Variants in PTPRM observed in about 807,000 individuals in gnomAD.
PTPRM encodes the protein protein tyrosine phosphatase receptor type M, also known as receptor-type tyrosine-protein phosphatase mu.
A neutral mutation model predicts 186.7 loss-of-function variants in PTPRM; 47 were observed. The ratio of observed to expected loss-of-function variants is 0.25; its 90% confidence interval spans 0.20 to 0.32. The LOEUF (loss-of-function observed/expected upper bound fraction) is 0.32. Ranked by LOEUF, PTPRM falls within the 10% of genes least tolerant of loss-of-function variation. The pLI, the probability that PTPRM is intolerant of heterozygous loss-of-function variation, is 1.00. For synonymous variants in PTPRM, 668 were observed against 674.9 expected (o/e 0.99, Z 0.16); for missense variants, 1,494 against 1,865.0 (o/e 0.80, Z 3.66).
intron 7 of PTPRM, among the ~76,000 whole-genome samples, chr18:8,028,560 A>G (rs181877408): frequency 6.6e-6 from 1 of 152,358 alleles, no homozygotes; most frequent in Admixed American, 6.5e-5. Context: ...GAACTTGCCC[A>G]TTAAAACCAT....
At chr18:7,860,314 C>T (rs1393139872) in intron 2 of PTPRM, among the ~76,000 whole-genome samples, 2 of 152,172 alleles carry the variant, frequency 1.3e-5, no homozygotes, top group African/African-American at 2.4e-5. Context: ...CTCAAGTGAT[C>T]TGCTGGCCTT....
intron 14 of PTPRM, among the ~76,000 whole-genome samples, chr18:8,180,399 G>A (rs1014404095): frequency 6.6e-6 from 1 of 152,180 alleles, no homozygotes; most frequent in African/African-American, 2.4e-5. Context: ...AACTTTTAGA[G>A]CACCAGTGAA....
chr18:7,570,979 G>A (rs1303784225), intron 1 of PTPRM, among the ~76,000 whole-genome samples: 5 of 146,824 alleles, frequency 3.4e-5, no homozygotes, highest in Non-Finnish European at 4.5e-5. Context: ...TTGCTCTGTC[G>A]CCAGGCTGGA....
intron 19 of PTPRM, among the ~76,000 whole-genome samples, chr18:8,278,809 G>T (rs2094867822): frequency 6.6e-6 from 1 of 152,128 alleles, no homozygotes; most frequent in Non-Finnish European, 1.5e-5. Context: ...AAACTCTCCT[G>T]TTCATTGAAA....
rs562566111 is a variant in PTPRM at position 8,240,890 on chromosome 18, G to T, written c.2301-3168G>T. Among the ~76,000 whole-genome samples the T allele has an allele frequency of 2.6e-4, 40 of 152,134 alleles. No homozygotes were observed. The South Asian group carries it at 7.7e-3, about 29-fold the overall frequency. ...GAAAGTTTGTGGCAACCCTCATGGA[G>T]CAGGTCTGTCAGCACCGTTTTTCCT... On this transcript the variant is annotated intron_variant, in intron 14 of 32. Transcript: ENST00000580170.
At chr18:7,604,800 C>T (rs113535047) in intron 1 of PTPRM, among the ~76,000 whole-genome samples, 5 of 152,270 alleles carry the variant, frequency 3.3e-5, no homozygotes, top group South Asian at 4.1e-4. Context: ...AGAAAGAGCA[C>T]GCAGCAGCCA....
intron 7 of PTPRM, among the ~76,000 whole-genome samples, chr18:7,975,518 A>G (rs1389006302): frequency 6.6e-6 from 1 of 152,226 alleles, no homozygotes; most frequent in Admixed American, 6.5e-5. Flanking sequence ...TACATACTGT[A>G]TAATTTCAAC....
chr18:8,235,416 T>C (rs1171059308), intron 14 of PTPRM, among the ~76,000 whole-genome samples: 5 of 151,230 alleles, frequency 3.3e-5, no homozygotes, highest in Non-Finnish European at 5.9e-5. Flanking sequence ...TCTGTAATAA[T>C]GTCCCCTCTT....
chr18:8,281,395 C>T (rs1039529030), intron 19 of PTPRM, among the ~76,000 whole-genome samples: 2 of 152,088 alleles, frequency 1.3e-5, no homozygotes, highest in African/African-American at 2.4e-5. Flanking sequence ...ATGCTTGTTG[C>T]GGGGATTATC....
chr18:8,050,774 C>CT, intron 7 of PTPRM, among the ~76,000 whole-genome samples: 1 of 152,250 alleles, frequency 6.6e-6, no homozygotes, highest in South Asian at 2.1e-4. Context: ...GGCGGGCTCT[C>CT]TTTTCTAATT....
chr18:7,681,668 C>A (rs2039484319), intron 1 of PTPRM, among the ~76,000 whole-genome samples: 1 of 152,000 alleles, frequency 6.6e-6, no homozygotes, highest in Non-Finnish European at 1.5e-5. Flanking sequence ...ATGCTGACTT[C>A]TAGATAGATA....
At position 7,625,392 on chromosome 18, in the gene PTPRM, G is replaced by A. The variant is rs187240652; in HGVS notation, c.73+57501G>A. On this transcript the variant is annotated intron_variant, in intron 1 of 32. Coordinates refer to ENST00000580170, the MANE Select transcript of PTPRM (RefSeq NM_001105244.2). ...TTGCCCACACTATTTGATTCTGTTT[G>A]CTATTTTTGGCTTAAAAATGAAGAA... Among the ~76,000 whole-genome samples, 15 of 152,244 alleles carry A rather than the reference G, an allele frequency of 9.9e-5. No individual in the cohort carries two copies. The East Asian group carries it at 2.9e-3, about 29-fold the overall frequency.
intron 2 of PTPRM, among the ~76,000 whole-genome samples, chr18:7,849,337 A>C (rs1475205497): frequency 2.0e-5 from 3 of 152,218 alleles, no homozygotes; most frequent in African/African-American, 7.2e-5. Context: ...ACTTCTCCAC[A>C]TGGCTCCTTC....
chr18:7,921,381 AT>A (rs368367424), intron 4 of PTPRM, among the ~76,000 whole-genome samples: 34,981 of 135,806 alleles, frequency 0.26, 3,743 homozygotes, highest in East Asian at 0.41. Flanking sequence ...CCTCTAATGA[AT>A]TTTTTTTTTT....
intron 1 of PTPRM, among the ~76,000 whole-genome samples, chr18:7,685,553 T>G (rs921586982): frequency 6.6e-6 from 1 of 152,242 alleles, no homozygotes; most frequent in Non-Finnish European, 1.5e-5. Flanking sequence ...TCTATGGAAC[T>G]GGGTCACTGG....
intron 8 of PTPRM, among the ~76,000 whole-genome samples, chr18:8,074,631 G>T (rs956335886): frequency 1.3e-5 from 2 of 152,102 alleles, no homozygotes; most frequent in African/African-American, 4.8e-5. Flanking sequence ...TTATGGTTTC[G>T]ATTTACAGCG....
chr18:8,308,919 A>C (rs1601742258), intron 20 of PTPRM, among the ~76,000 whole-genome samples: 1 of 152,248 alleles, frequency 6.6e-6, no homozygotes, highest in East Asian at 1.9e-4. Context: ...TGTTTCCATC[A>C]GCACAGAAAG....
chr18:7,650,925 G>T (rs944611633), intron 1 of PTPRM, among the ~76,000 whole-genome samples: 13 of 144,234 alleles, frequency 9.0e-5, no homozygotes, highest in Admixed American at 7.6e-4. Context: ...TAAGATAAGA[G>T]AAATATCTTT....
At chr18:8,206,009 C>A (rs926852134) in intron 14 of PTPRM, among the ~76,000 whole-genome samples, 1 of 151,940 alleles carries the variant, frequency 6.6e-6, no homozygotes, top group Admixed American at 6.6e-5. Flanking sequence ...CTCATAAGAA[C>A]TATACATATT....
Sources: allele counts gnomAD v4.1 joint callset (sites outside exome capture counted in the v4.1 genomes callset), GRCh38; gene constraint gnomAD v4.1.1; transcripts MANE v1.5; gene names NCBI Gene and HGNC (gene_info 2026-07-23, HGNC 2026-07-21).